Variants in PPARA observed in about 807,000 individuals in gnomAD.
PPARA encodes the protein peroxisome proliferator-activated receptor alpha.
Under a neutral mutation model 42.2 loss-of-function variants are expected in PPARA, and 22 were observed. The ratio of observed to expected loss-of-function variants is 0.52; its 90% CI spans 0.37 to 0.74. The LOEUF (loss-of-function observed/expected upper bound fraction) is 0.74, where lower values mean the gene tolerates loss of function less well. PPARA is among the 30% of genes least tolerant of loss of function. PPARA has a pLI of 0.00. For synonymous variants in PPARA, 242 were observed against 239.3 expected (o/e 1.01, Z -0.10); for missense variants, 465 against 608.2 (o/e 0.76, Z 2.48).
At chr22:46,185,894 C>CAAAAAAAAAAAAAAAAAAAAAAA (rs1279499029) in intron 3 of PPARA, among the ~76,000 whole-genome samples, 10 of 20,862 alleles carry the variant, frequency 4.8e-4, no homozygotes, top group East Asian at 5.4e-3. Context: ...GACTCCGTCT[C>CAAAAAAAAAAAAAAAAAAAAAAA]CAAAAAAAAA....
chr22:46,185,842 C>T (rs1930589355), intron 3 of PPARA, among the ~76,000 whole-genome samples: 1 of 133,962 alleles, frequency 7.5e-6, no homozygotes, highest in Non-Finnish European at 1.6e-5. Context: ...TTGTGGTGAG[C>T]CAAGATCACG....
intron 4 of PPARA, among the ~76,000 whole-genome samples, chr22:46,201,457 G>C (rs909126106): frequency 1.3e-5 from 2 of 152,164 alleles, no homozygotes; most frequent in South Asian, 2.1e-4. Context: ...TGAAGGTGTA[G>C]GGAGATCATG....
In PPARA at chr22:46,219,624, C is replaced by G. The variant is rs1454502081; in HGVS notation, c.509-188C>G. On this transcript the variant is annotated intron_variant, in intron 6 of 8. Coordinates refer to ENST00000407236, the MANE Select transcript of PPARA (RefSeq NM_005036.6). The surrounding 1 kb of genome is among the most constrained non-coding windows in gnomAD (Gnocchi z 4.8). ...CTTCAGCCTGCACCTGTTTAAACAT[C>G]TACAGTGTATGGAGTTTGAGTTTTT... Among the ~76,000 whole-genome samples, 3 of 152,174 alleles carry G rather than the reference C, an allele frequency of 2.0e-5. No homozygotes were observed. Among genetic ancestry groups the G allele is most frequent in the Admixed American group, 2.0e-4 (3 of 15,272 alleles).
intron 4 of PPARA, among the ~76,000 whole-genome samples, chr22:46,201,222 G>A (rs758647832): frequency 4.6e-5 from 7 of 152,066 alleles, no homozygotes; most frequent in African/African-American, 1.7e-4. Context: ...TTGCTCTAGA[G>A]GGCTATTCTC....
rs1185545020 is a variant in PPARA at position 46,231,250 on chromosome 22, G to A, written c.712-542G>A. Among the ~76,000 whole-genome samples the A allele has an allele frequency of 3.4e-5, 5 of 148,268 alleles. No homozygotes were observed. The East Asian group carries it at 5.9e-4, about 18-fold the overall frequency. The stretch of plus-strand genomic sequence containing the variant: ...TTTTTTTTTTTTGAGACGGAGTCTC[G>A]CTCTGTCACCCAGGCTGGAGTGCAG... On this transcript the variant is annotated intron_variant, in intron 7 of 8. Transcript: ENST00000407236. This position sits in a 1 kb window ranked among gnomAD's most constrained non-coding sequence, Gnocchi z 7.7.
In PPARA at chr22:46,235,157, G is replaced by A. The variant is rs200858936; in HGVS notation, c.1184G>A (p.Gly395Glu). 113 of 1,613,918 alleles carry A rather than the reference G, an allele frequency of 7.0e-5. No homozygotes were observed. The East Asian group carries it at 2.5e-3, about 35-fold the overall frequency. ...CGDRPGLLNV[G>E]HIEKMQEGIV... ...GATCGTCCTGGCCTTCTAAACGTAG[G>A]ACACATTGAAAAAATGCAGGAGGGT... Residue 395 changes from glycine (G) to glutamate (E), a missense_variant, in exon 9 of 9, where the codon GGA (glycine) becomes GAA (glutamate). Gly to Glu is a moderately conservative substitution (Grantham distance 98, BLOSUM62 -2). Coordinates refer to ENST00000407236, the MANE Select transcript of PPARA (RefSeq NM_005036.6). The surrounding 1 kb of genome is among the most constrained non-coding windows in gnomAD (Gnocchi z 7.0).
rs796079700 is a variant in PPARA at position 46,221,236 on chromosome 22, G to A, written c.711+1222G>A. On this transcript the variant is annotated intron_variant, in intron 7 of 8. Transcript: ENST00000407236. This position sits in a 1 kb window ranked among gnomAD's most constrained non-coding sequence, Gnocchi z 5.9. ...ACTAGAGTAGCACCAAGAGGATGGT[G>A]CTAAACCATTCATGAAGGATCACCC... Among the ~76,000 whole-genome samples, 5 of 152,116 alleles carry A rather than the reference G, an allele frequency of 3.3e-5. No homozygotes were observed. The highest frequency in any genetic ancestry group is 1.2e-4 in the African/African-American group (5 of 41,422).
intron 2 of PPARA, among the ~76,000 whole-genome samples, chr22:46,168,397 A>G (rs144204336): frequency 1.1e-3 from 162 of 150,424 alleles, no homozygotes; most frequent in African/African-American, 3.7e-3. Context: ...CATAAACTAT[A>G]AAAGAAAAAA....
chr22:46,201,544 G>A (rs1932839149), intron 4 of PPARA, among the ~76,000 whole-genome samples: 1 of 152,188 alleles, frequency 6.6e-6, no homozygotes, highest in Non-Finnish European at 1.5e-5. Context: ...GTGGCGCCTT[G>A]AGTGGCCTGG....
intron 2 of PPARA, among the ~76,000 whole-genome samples, chr22:46,174,007 C>CCTGGCCAACATGGTGAAACCCCA (rs58905114): frequency 1.4e-5 from 2 of 148,090 alleles, no homozygotes; most frequent in African/African-American, 5.0e-5. Context: ...GATCGAGACC[C>CCTGGCCAACATGGTGAAACCCCA]TCTCTACTAA....
chr22:46,181,147 GCTCA>G (rs1161918773), intron 3 of PPARA, among the ~76,000 whole-genome samples: 1 of 152,156 alleles, frequency 6.6e-6, no homozygotes, highest in Non-Finnish European at 1.5e-5. Flanking sequence ...CACGAGAGTG[GCTCA>G]CTAAGTTGGT....
rs571817655 is a variant in PPARA, at chr22:46,237,610, CAAAA to C, written c.*2243_*2246del. ...TAGATTCCACCCTCTCCCACCCCGG[CAAAA>C]AAAAAAAAAAAAGATGCAATCAAAG... is the stretch of plus-strand genomic sequence containing the variant. On this transcript the variant is annotated 3_prime_UTR_variant, in exon 9 of 9. Coordinates refer to ENST00000407236, the MANE Select transcript of PPARA (RefSeq NM_005036.6). The surrounding 1 kb of genome is among the most constrained non-coding windows in gnomAD (Gnocchi z 6.7). 3 of 105,944 alleles carry C rather than the reference CAAAA, an allele frequency of 2.8e-5. No homozygotes were observed. Among genetic ancestry groups the C allele is most frequent in the Non-Finnish European group, 6.2e-5 (3 of 48,142 alleles). 6.6% of individuals were successfully genotyped at this position (105,944 alleles called of 1,614,324 possible).
At position 46,225,803 on chromosome 22, in the gene PPARA, G is replaced by A. The variant is rs1275185239; in HGVS notation, c.711+5789G>A. On this transcript the variant is annotated intron_variant, in intron 7 of 8. Coordinates refer to ENST00000407236, the MANE Select transcript of PPARA (RefSeq NM_005036.6). The surrounding 1 kb of genome is among the most constrained non-coding windows in gnomAD (Gnocchi z 4.1). The stretch of plus-strand genomic sequence containing the variant: ...AACACACACACCCCCACACATACAC[G>A]TGCACCCACACATGCACACAGACGC... Among the ~76,000 whole-genome samples the A allele has an allele frequency of 4.4e-5, 6 of 136,802 alleles. No individual in the cohort carries two copies. Among genetic ancestry groups the A allele is most frequent in the African/African-American group, 8.5e-5 (3 of 35,368 alleles). 89.7% of individuals were successfully genotyped at this position (136,802 alleles called of 152,430 possible).
intron 3 of PPARA, among the ~76,000 whole-genome samples, chr22:46,177,166 A>G (rs185447675): frequency 2.0e-5 from 3 of 152,240 alleles, no homozygotes; most frequent in African/African-American, 7.2e-5. Context: ...AGCCAAGATC[A>G]CGCCACTGCA....
Position 46,211,885 on chromosome 22 carries a change from T to C in PPARA, c.209-3288T>C, listed in dbSNP as rs1346188146. 6.6e-6 allele frequency among the ~76,000 whole-genome samples: 1 copy of C among 152,040 alleles called. No homozygotes were observed. Among genetic ancestry groups the C allele is most frequent in the East Asian group, 1.9e-4 (1 of 5,186 alleles). On this transcript the variant is annotated intron_variant, in intron 4 of 8. Transcript: ENST00000407236. The surrounding 1 kb of genome is among the most constrained non-coding windows in gnomAD (Gnocchi z 4.1). Reference sequence around the variant, plus strand: ...TATTTTTACAAAATACAAAAGACGATGTTTCACTATGTGGGCCAGGCTGGT... The same window carrying C: ...TATTTTTACAAAATACAAAAGACGACGTTTCACTATGTGGGCCAGGCTGGT...
rs1569190036 is a variant in PPARA, at chr22:46,167,690, CAT to C, written c.-126-9060_-126-9059del. ...AAACTATAAAACCTTCAGAAGAAAA[CAT>C]ATGAGAAAATTCTAGTGATTTGGGG... On this transcript the variant is annotated intron_variant, in intron 2 of 8. Transcript: ENST00000407236. The surrounding 1 kb of genome is among the most constrained non-coding windows in gnomAD (Gnocchi z 4.1). Among the ~76,000 whole-genome samples, 1 of 151,942 alleles carries C rather than the reference CAT, an allele frequency of 6.6e-6. No individual in the cohort carries two copies. Among genetic ancestry groups the C allele is most frequent in the Non-Finnish European group, 1.5e-5 (1 of 68,000 alleles).
chr22:46,153,852 C>A (rs1295487645), intron 2 of PPARA, among the ~76,000 whole-genome samples: 1 of 151,582 alleles, frequency 6.6e-6, no homozygotes, highest in East Asian at 1.9e-4. Flanking sequence ...GAGCAAGACT[C>A]CGTTTCCAAA....
rs1375011016 is a variant in PPARA, at chr22:46,184,874, C to G, written c.-43+8038C>G. Among the ~76,000 whole-genome samples, 1 of 152,096 alleles carries G rather than the reference C, an allele frequency of 6.6e-6. No individual in the cohort carries two copies. The highest frequency in any genetic ancestry group is 2.4e-5 in the African/African-American group (1 of 41,408). ...CGTCTCAAAAAACAAAAAAAGTATT[C>G]TGTTGGATCGTTTGTGTGCGACGTG... On this transcript the variant is annotated intron_variant, in intron 3 of 8. Coordinates refer to ENST00000407236, the MANE Select transcript of PPARA (RefSeq NM_005036.6). The surrounding 1 kb of genome is among the most constrained non-coding windows in gnomAD (Gnocchi z 4.4).
chr22:46,193,731 C>A lies in PPARA; in HGVS notation c.-42-4611C>A, dbSNP rs1439106843. On this transcript the variant is annotated intron_variant, in intron 3 of 8. Coordinates refer to ENST00000407236, the MANE Select transcript of PPARA (RefSeq NM_005036.6). This position sits in a 1 kb window ranked among gnomAD's most constrained non-coding sequence, Gnocchi z 5.3. ...GCTGGGACTGGAACAGAAGCCCTACCTTTTCCCAACACCCTATCCACCTGT... is the reference window on the plus strand; with the variant it reads ...GCTGGGACTGGAACAGAAGCCCTACATTTTCCCAACACCCTATCCACCTGT... 6.6e-6 allele frequency among the ~76,000 whole-genome samples: 1 copy of A among 152,190 alleles called. No homozygotes were observed. The highest frequency in any genetic ancestry group is 2.4e-5 in the African/African-American group (1 of 41,454).
Sources: allele counts gnomAD v4.1 joint callset (sites outside exome capture counted in the v4.1 genomes callset), GRCh38; gene constraint gnomAD v4.1.1; non-coding constraint Gnocchi (gnomAD v3.1); transcripts MANE v1.5; gene names NCBI Gene and HGNC (gene_info 2026-07-23, HGNC 2026-07-21).